VANGL2: variants seen among roughly 807,000 people sequenced by gnomAD.
VANGL2 encodes VANGL planar cell polarity protein 2.
In VANGL2, 14 loss-of-function variants were observed where a neutral mutation model predicts 50.2. That is an observed-to-expected ratio of 0.28 (90% CI 0.18 to 0.44). VANGL2 has a LOEUF of 0.44. Among genes scored for constraint, VANGL2 ranks in the 20% least tolerant of loss-of-function variants. The pLI is 1.00. For missense variants in VANGL2, 533 were observed against 701.5 expected (o/e 0.76, Z 2.71); for synonymous variants, 295 against 297.2 (o/e 0.99, Z 0.08).
Position 160,419,844 on chromosome 1 carries a change from G to T in VANGL2, c.800+235G>T, listed in dbSNP as rs117173749. 1.2e-3 allele frequency among the ~76,000 whole-genome samples: 187 copies of T among 149,794 alleles called. 2 individuals are homozygous for T. In the East Asian group the frequency reaches 0.023, roughly 19 times the overall value. ...CAGTTGGGAGTTATGAGATGGGAAT[G>T]AATAGGCATTTAGAGGTAGGGAATA... On this transcript the variant is annotated intron_variant, in intron 4 of 7. Coordinates refer to ENST00000368061, the MANE Select transcript of VANGL2 (RefSeq NM_020335.3). This position sits in a 1 kb window ranked among gnomAD's most constrained non-coding sequence, Gnocchi z 5.8.
chr1:160,425,158 A>G lies in VANGL2; in HGVS notation c.1346A>G (p.Gln449Arg), dbSNP rs1432974573. ...TACTTGGCGGCTGGACCTACCATCC[A>G]GTACCACAAGGAACGCTGGCTGGCC... ...ERYLAAGPTI[Q>R]YHKERWLAKQ... is the part of the protein sequence containing the mutation. Residue 449 changes from glutamine (Q) to arginine (R), a missense_variant, in exon 8 of 8, where the codon CAG (glutamine) becomes CGG (arginine). Transcript: ENST00000368061. The G allele has an allele frequency of 2.5e-6, 4 of 1,614,196 alleles. No individual in the cohort carries two copies. Among genetic ancestry groups the G allele is most frequent in the East Asian group, 2.2e-5 (1 of 44,882 alleles).
Position 160,425,346 on chromosome 1 carries a change from G to T in VANGL2, c.1534G>T (p.Val512Phe), listed in dbSNP as rs765763277. 3.7e-6 allele frequency: 6 copies of T among 1,604,038 alleles called. No homozygotes were observed. The Admixed American group carries it at 1.0e-4, about 27-fold the overall frequency. ...EFVDPKSHKF[V>F]MRLQSETSV ...TGTGGATCCCAAGTCACACAAGTTT[G>T]TCATGAGGCTGCAGTCTGAGACCTC... Residue 512 changes from valine to phenylalanine, a missense_variant, in exon 8 of 8, where the codon GTC (valine) becomes TTC (phenylalanine). Transcript: ENST00000368061.
intron 1 of VANGL2, among the ~76,000 whole-genome samples, chr1:160,402,459 G>A (rs780388506): frequency 1.3e-5 from 2 of 152,150 alleles, no homozygotes; most frequent in Non-Finnish European, 2.9e-5. Context: ...AACAAGAGGA[G>A]GAAGCATGTC....
chr1:160,413,765 A>G (rs948185210), intron 1 of VANGL2, among the ~76,000 whole-genome samples: 2 of 151,966 alleles, frequency 1.3e-5, no homozygotes, highest in African/African-American at 4.8e-5. Context: ...TGGAAGAGTT[A>G]GGTTTTGAAC....
At position 160,425,152 on chromosome 1, in the gene VANGL2, C is replaced by T. The variant is rs779572040; in HGVS notation, c.1340C>T (p.Thr447Ile). 1 of 1,614,132 alleles carries T rather than the reference C, an allele frequency of 6.2e-7. No homozygotes were observed. Among genetic ancestry groups the T allele is most frequent in the Non-Finnish European group, 8.5e-7 (1 of 1,180,018 alleles). The change falls in exon 8 of 8, where the codon ACC becomes ATC. Residue 447 changes from threonine (T) to isoleucine (I), a missense_variant. Thr to Ile is a moderately conservative substitution (Grantham distance 89). Transcript: ENST00000368061. ...GAGCGATACTTGGCGGCTGGACCTA[C>T]CATCCAGTACCACAAGGAACGCTGG... The part of the protein sequence containing the change: ...FLERYLAAGP[T>I]IQYHKERWLA...
chr1:160,425,092 T>TA, intron 7 of VANGL2, 26 bp from the exon 8 acceptor site: 1 of 1,613,940 alleles, frequency 6.2e-7, no homozygotes, highest in Non-Finnish European at 8.5e-7. Context: ...CAGAGATTCT[T>TA]ATGCAGCCCC....
Position 160,422,109 on chromosome 1 carries a change from C to T in VANGL2, c.1073+922C>T, listed in dbSNP as rs537460529. On this transcript the variant is annotated intron_variant, in intron 6 of 7. Transcript: ENST00000368061. ...AGGACTTGACCACGCACCTGGCCTC[C>T]GCCCCATCTCCCACATGAACTCCAG... 3.7e-4 allele frequency among the ~76,000 whole-genome samples: 56 copies of T among 152,286 alleles called. 1 individual carries two copies. The highest frequency in any genetic ancestry group is 2.2e-3 in the Admixed American group (33 of 15,302).
chr1:160,426,228 C>T lies in VANGL2; in HGVS notation c.*850C>T, dbSNP rs1334477668. 2 of 152,798 alleles carry T rather than the reference C, an allele frequency of 1.3e-5. No homozygotes were observed. Among genetic ancestry groups the T allele is most frequent in the African/African-American group, 2.4e-5 (1 of 41,440 alleles). 9.5% of individuals were successfully genotyped at this position (152,798 alleles called of 1,614,324 possible). ...CTCCTGCTCCCTAACCCTACCCTCA[C>T]TTTCGTCCCCGCTCTTCCCAGTGAA... is the stretch of plus-strand genomic sequence containing the variant. On this transcript the variant is annotated 3_prime_UTR_variant, in exon 8 of 8. Coordinates refer to ENST00000368061, the MANE Select transcript of VANGL2 (RefSeq NM_020335.3).
chr1:160,426,969 G>C lies in VANGL2; in HGVS notation c.*1591G>C, dbSNP rs1651477008. ...TGTAGCACCAGCCCTGGGAATGATG[G>C]AGCCTAGTGATCGGGGTTTCTCCTG... On this transcript the variant is annotated 3_prime_UTR_variant, in exon 8 of 8. Coordinates refer to ENST00000368061, the MANE Select transcript of VANGL2 (RefSeq NM_020335.3). The C allele has an allele frequency of 6.6e-6, 1 of 152,528 alleles. No homozygotes were observed. The highest frequency in any genetic ancestry group is 1.5e-5 in the Non-Finnish European group (1 of 68,120). 9.4% of individuals were successfully genotyped at this position (152,528 alleles called of 1,614,324 possible).
rs199842200 is a variant in VANGL2, at chr1:160,415,824, G to A, written c.-14G>A. On this transcript the variant is annotated 5_prime_UTR_variant, in exon 2 of 8. Transcript: ENST00000368061. ...GCGGCCCTGGAGCGCTACAAGGCGCGGCGTTCAGACGCCATGGACACCGAG... is the reference window on the plus strand; with the variant it reads ...GCGGCCCTGGAGCGCTACAAGGCGCAGCGTTCAGACGCCATGGACACCGAG... The A allele has an allele frequency of 6.4e-4, 1,032 of 1,611,458 alleles. No homozygotes were observed. Among genetic ancestry groups the A allele is most frequent in the Non-Finnish European group, 7.5e-4 (880 of 1,179,136 alleles).
intron 6 of VANGL2, 109 bp downstream of exon 6, chr1:160,421,296 G>A: frequency 7.0e-7 from 1 of 1,437,784 alleles, no homozygotes; most frequent in Non-Finnish European, 9.5e-7. Flanking sequence ...GATGACATGA[G>A]TTGGGGGTGT....
At chr1:160,414,313 T>C (rs1650982030) in intron 1 of VANGL2, among the ~76,000 whole-genome samples, 1 of 152,234 alleles carries the variant, frequency 6.6e-6, no homozygotes, top group African/African-American at 2.4e-5. Context: ...CAACTCTAGC[T>C]CCACTGGCCT....
intron 1 of VANGL2, among the ~76,000 whole-genome samples, chr1:160,405,316 C>T (rs933198783): frequency 1.3e-5 from 2 of 152,150 alleles, no homozygotes; most frequent in African/African-American, 4.8e-5. Flanking sequence ...CGGCGGCCCT[C>T]CCCTTCTTTA....
In VANGL2 at chr1:160,416,193, GGGATGC is replaced by G; in HGVS notation, c.192+14_192+19del. 6.2e-7 allele frequency: 1 copy of G among 1,614,116 alleles called. No homozygotes were observed. Among genetic ancestry groups the G allele is most frequent in the Non-Finnish European group, 8.5e-7 (1 of 1,180,004 alleles). ...CGAGGGGATGAGCGGGTGAGCACTGGGGATGCGGTGGTCCAGACCGGGCATTTTCAG... is the reference window on the plus strand; with the variant it reads ...CGAGGGGATGAGCGGGTGAGCACTGGGGTGGTCCAGACCGGGCATTTTCAG... On this transcript the variant is annotated intron_variant, in intron 3 of 7. Transcript: ENST00000368061.
At position 160,416,200 on chromosome 1, in the gene VANGL2, G is replaced by A. The variant is rs201963368; in HGVS notation, c.192+18G>A. 612 of 1,614,000 alleles carry A rather than the reference G, an allele frequency of 3.8e-4. 5 individuals carry two copies. The East Asian group carries it at 6.0e-3, about 16-fold the overall frequency. The stretch of plus-strand genomic sequence containing the variant: ...ATGAGCGGGTGAGCACTGGGGATGC[G>A]GTGGTCCAGACCGGGCATTTTCAGA... On this transcript the variant is annotated intron_variant, in intron 3 of 7. Transcript: ENST00000368061.
rs577808432 is a variant in VANGL2, at chr1:160,405,685, TC to T, written c.-191+4820del. Among the ~76,000 whole-genome samples, 86 of 152,040 alleles carry T rather than the reference TC, an allele frequency of 5.7e-4. No individual in the cohort carries two copies. The Middle Eastern group carries it at 0.01, about 18-fold the overall frequency. On this transcript the variant is annotated intron_variant, in intron 1 of 7. Transcript: ENST00000368061. ...TAGGGTGGGAGGCTTGGGGCCTCCT[TC>T]CCCTGCCGCTCCACACACAGCTGGG...
chr1:160,410,547 G>A (rs1280748838), intron 1 of VANGL2, among the ~76,000 whole-genome samples: 2 of 152,064 alleles, frequency 1.3e-5, no homozygotes, highest in Non-Finnish European at 2.9e-5. Context: ...CCCCCAGCAC[G>A]CGCCACACAT....
rs1383877797 is a variant in VANGL2 at position 160,415,876 on chromosome 1, G to A, written c.39G>A (p.Lys13=). 1 of 1,614,022 alleles carries A rather than the reference G, an allele frequency of 6.2e-7. No individual in the cohort carries two copies. The highest frequency in any genetic ancestry group is 1.3e-5 in the African/African-American group (1 of 74,958). ...TESQYSGYSY[K]SGHSRSSRKH... is the part of the protein sequence containing the mutation. ...CCCAGTACTCGGGCTATTCCTACAA[G>A]TCGGGCCACTCCCGCAGCTCCCGCA... is the stretch of plus-strand genomic sequence containing the variant. The change falls in exon 2 of 8, where the codon AAG becomes AAA. Residue 13 remains lysine (K), a synonymous_variant. Transcript: ENST00000368061.
At chr1:160,420,361 G>A (rs761645189) in intron 4 of VANGL2, 50 bp from the exon 5 acceptor site, 2 of 1,612,308 alleles carry the variant, frequency 1.2e-6, no homozygotes, top group Non-Finnish European at 1.7e-6. Context: ...TTTCCCCTGT[G>A]CCCCTTGGTC....
Sources: allele counts gnomAD v4.1 joint callset (sites outside exome capture counted in the v4.1 genomes callset), GRCh38; gene constraint gnomAD v4.1.1; non-coding constraint Gnocchi (gnomAD v3.1); transcripts MANE v1.5; gene names NCBI Gene and HGNC (gene_info 2026-07-23, HGNC 2026-07-21).